SLC35F3: variants seen among roughly 807,000 people sequenced by gnomAD.
SLC35F3 encodes the protein solute carrier family 35 member F3, also known as putative thiamine transporter SLC35F3.
A neutral mutation model predicts 49.9 loss-of-function variants in SLC35F3; 25 were observed. The ratio of observed to expected loss-of-function variants is 0.50; its 90% CI spans 0.37 to 0.70. The LOEUF is 0.70. Ranked by LOEUF, SLC35F3 falls within the 30% of genes least tolerant of loss-of-function variation. The pLI, the probability that SLC35F3 is intolerant of heterozygous loss-of-function variation, is 0.00. For synonymous variants in SLC35F3, 275 were observed against 265.4 expected (o/e 1.04, Z -0.35); for missense variants, 525 against 639.8 (o/e 0.82, Z 1.94).
At chr1:233,953,933 T>C (rs1204528536) in intron 2 of SLC35F3, among the ~76,000 whole-genome samples, 2 of 151,876 alleles carry the variant, frequency 1.3e-5, no homozygotes, top group Non-Finnish European at 2.9e-5. Flanking sequence ...TTCCTGACAA[T>C]CATGATAGGT....
At chr1:233,945,495 A>G (rs1158497178) in intron 2 of SLC35F3, among the ~76,000 whole-genome samples, 2 of 152,214 alleles carry the variant, frequency 1.3e-5, no homozygotes, top group African/African-American at 2.4e-5. Flanking sequence ...GATGAAATGA[A>G]ATGTTTCTTC....
At chr1:234,109,735 CAA>C (rs894457929) in intron 2 of SLC35F3, among the ~76,000 whole-genome samples, 4 of 152,098 alleles carry the variant, frequency 2.6e-5, no homozygotes, top group African/African-American at 7.2e-5. Context: ...AGGGGGAGGA[CAA>C]AGAGGTGACG....
At chr1:234,072,215 T>A (rs1664721897) in intron 2 of SLC35F3, among the ~76,000 whole-genome samples, 1 of 152,262 alleles carries the variant, frequency 6.6e-6, no homozygotes, top group South Asian at 2.1e-4. Context: ...TCTAAGTAGC[T>A]GTGCCCTGGG....
At chr1:234,189,141 A>T (rs905348078) in intron 2 of SLC35F3, among the ~76,000 whole-genome samples, 2 of 152,036 alleles carry the variant, frequency 1.3e-5, no homozygotes, top group Admixed American at 1.3e-4. Flanking sequence ...AATATGACAA[A>T]ACAAGGTTCT....
chr1:234,171,162 C>T (rs1046396934), intron 2 of SLC35F3, among the ~76,000 whole-genome samples: 6 of 152,200 alleles, frequency 3.9e-5, no homozygotes, highest in African/African-American at 1.4e-4. Context: ...CATTCCAGAA[C>T]CCCTGAATCA....
intron 2 of SLC35F3, among the ~76,000 whole-genome samples, chr1:233,987,762 A>C (rs1039499670): frequency 2.6e-5 from 4 of 152,030 alleles, no homozygotes; most frequent in African/African-American, 9.7e-5. Flanking sequence ...CAGATGTTGG[A>C]CTTCCTAGAC....
chr1:234,170,544 C>A (rs1666386449), intron 2 of SLC35F3, among the ~76,000 whole-genome samples: 1 of 151,970 alleles, frequency 6.6e-6, no homozygotes, highest in Admixed American at 6.6e-5. Flanking sequence ...CCAAGACAAC[C>A]CCGAGTAAGA....
intron 2 of SLC35F3, among the ~76,000 whole-genome samples, chr1:233,937,967 G>T (rs1384857178): frequency 6.6e-6 from 1 of 152,164 alleles, no homozygotes; most frequent in East Asian, 1.9e-4. Context: ...AAAGTAGTTT[G>T]CAGAATTCAG....
At chr1:234,246,968 G>A (rs1558272346) in intron 3 of SLC35F3, among the ~76,000 whole-genome samples, 4 of 152,216 alleles carry the variant, frequency 2.6e-5, no homozygotes, top group Admixed American at 1.3e-4. Flanking sequence ...AGAGGAGGTG[G>A]CAGACACGGC....
At position 234,316,679 on chromosome 1, in the gene SLC35F3, C is replaced by T. The variant is rs138439832; in HGVS notation, c.906C>T (p.Ile302=). Residue 302 remains isoleucine, a synonymous_variant, in exon 5 of 8, where the codon ATC becomes ATT. Transcript: ENST00000366618. ...YADGFHSHSV[I]GIALVVASAS... ...ATGGCTTCCACAGCCACTCCGTCAT[C>T]GGCATCGCACTGGTGGTGGCCTCAG... 14 of 1,613,338 alleles carry T rather than the reference C, an allele frequency of 8.7e-6. No homozygotes were observed. The highest frequency in any genetic ancestry group is 6.7e-5 in the East Asian group (3 of 44,862).
At chr1:234,172,507 G>A (rs528320893) in intron 2 of SLC35F3, among the ~76,000 whole-genome samples, 17 of 152,348 alleles carry the variant, frequency 1.1e-4, no homozygotes, top group South Asian at 1.0e-3. Context: ...GATTACAGGT[G>A]TGAGGCACCT....
At position 234,318,847 on chromosome 1, in the gene SLC35F3, A is replaced by G. The variant is rs1374852112; in HGVS notation, c.1051A>G (p.Ile351Val). 2 of 1,614,032 alleles carry G rather than the reference A, an allele frequency of 1.2e-6. No individual in the cohort carries two copies. Among genetic ancestry groups the G allele is most frequent in the Admixed American group, 1.7e-5 (1 of 60,000 alleles). Residue 351 changes from isoleucine (I) to valine (V), a missense_variant, in exon 6 of 8, where the codon ATT (isoleucine) becomes GTT (valine). By Grantham distance (29) the Ile-to-Val change is conservative (BLOSUM62 3). Around this residue, in one of 4 missense-constraint regions of SLC35F3, gnomAD observed 216 missense variants for 298.1 expected, o/e 0.72. Coordinates refer to ENST00000366618, the MANE Select transcript of SLC35F3 (RefSeq NM_173508.4). ...GVFNILFITC[I>V]PIILYFTKVE... ...GTTTAACATCCTCTTCATCACCTGC[A>G]TTCCTATTATCCTCTACTTTACCAA...
At chr1:234,267,865 G>C (rs1668020365) in intron 3 of SLC35F3, among the ~76,000 whole-genome samples, 1 of 143,404 alleles carries the variant, frequency 7.0e-6, no homozygotes, top group Admixed American at 6.8e-5. Context: ...CAGGGCGGCG[G>C]GGCAGAGGTG....
chr1:234,269,251 A>G (rs1167784665), intron 3 of SLC35F3, among the ~76,000 whole-genome samples: 1 of 152,192 alleles, frequency 6.6e-6, no homozygotes, highest in Admixed American at 6.5e-5. Context: ...TAACAGAAGC[A>G]AAAAAGGGGC....
chr1:234,125,457 A>G (rs1056513850), intron 2 of SLC35F3, among the ~76,000 whole-genome samples: 2 of 152,124 alleles, frequency 1.3e-5, no homozygotes, highest in South Asian at 2.1e-4. Context: ...CACGTACTCA[A>G]GTATACTCCT....
Position 234,045,711 on chromosome 1 carries a change from G to GT in SLC35F3, c.283+139965dup, listed in dbSNP as rs200387902. ...ATTATTGTGCCACGTTCATTTTAAG[G>GT]TTTTTTTTTTTTAAAGAAATAGAAT... On this transcript the variant is annotated intron_variant, in intron 2 of 7. Coordinates refer to ENST00000366618, the MANE Select transcript of SLC35F3 (RefSeq NM_173508.4). Among the ~76,000 whole-genome samples the GT allele has an allele frequency of 6.9e-3, 992 of 144,110 alleles. 6 individuals carry two copies. Among genetic ancestry groups the GT allele is most frequent in the African/African-American group, 0.021 (845 of 39,470 alleles). The allele number at this position is 144,110 out of a possible 152,430, so 94.5% of individuals were successfully genotyped here.
rs184281472 is a variant in SLC35F3, at chr1:233,913,951, G to T, written c.283+8193G>T. Among the ~76,000 whole-genome samples, 3 of 152,304 alleles carry T rather than the reference G, an allele frequency of 2.0e-5. No individual in the cohort carries two copies. The East Asian group carries it at 5.8e-4, about 29-fold the overall frequency. On this transcript the variant is annotated intron_variant, in intron 2 of 7. Transcript: ENST00000366618. ...AAAATGTATTGATGGAATCAAATATGTGTTCTACAGGCAAGGTTAAAGGAT... is the reference window on the plus strand; with the variant it reads ...AAAATGTATTGATGGAATCAAATATTTGTTCTACAGGCAAGGTTAAAGGAT...
intron 2 of SLC35F3, among the ~76,000 whole-genome samples, chr1:234,030,109 G>A (rs1240121034): frequency 8.5e-5 from 13 of 152,090 alleles, no homozygotes. Flanking sequence ...TCTGAAATAT[G>A]ATTCACTCAG....
intron 3 of SLC35F3, among the ~76,000 whole-genome samples, chr1:234,270,318 C>A (rs1406261835): frequency 6.6e-6 from 1 of 152,152 alleles, no homozygotes; most frequent in East Asian, 1.9e-4. Context: ...ATAAAATCAT[C>A]CTGGCTTCAG....
Sources: allele counts gnomAD v4.1 joint callset (sites outside exome capture counted in the v4.1 genomes callset), GRCh38; gene constraint gnomAD v4.1.1; regional missense constraint gnomAD v4.1.1; transcripts MANE v1.5; gene names NCBI Gene and HGNC (gene_info 2026-07-23, HGNC 2026-07-21).